Variants in AASDHPPT observed in about 807,000 individuals in gnomAD.
AASDHPPT encodes aminoadipate-semialdehyde dehydrogenase-phosphopantetheinyl transferase, also known as L-aminoadipate-semialdehyde dehydrogenase-phosphopantetheinyl transferase.
Under a neutral mutation model 36.4 loss-of-function variants are expected in AASDHPPT, and 23 were observed. The ratio of observed to expected loss-of-function variants is 0.63; its 90% CI spans 0.45 to 0.89. The LOEUF (loss-of-function observed/expected upper bound fraction) is 0.89. Among genes scored for constraint, AASDHPPT ranks in the 40% least tolerant of loss-of-function variants. The pLI, the probability that AASDHPPT is intolerant of heterozygous loss-of-function variation, is 0.00. For synonymous variants in AASDHPPT, 115 were observed against 128.0 expected (o/e 0.90, Z 0.68); for missense variants, 377 against 378.2 (o/e 1.00, Z 0.03).
At chr11:106,084,910 T>C (rs1354357416) in intron 2 of AASDHPPT, among the ~76,000 whole-genome samples, 3 of 152,094 alleles carry the variant, frequency 2.0e-5, no homozygotes, top group Non-Finnish European at 2.9e-5. Context: ...CCATCACACC[T>C]GGCCGGGTTT....
intron 2 of AASDHPPT, among the ~76,000 whole-genome samples, chr11:106,080,574 T>G (rs1861128785): frequency 6.6e-6 from 1 of 152,208 alleles, no homozygotes; most frequent in Non-Finnish European, 1.5e-5. Flanking sequence ...TAACATTTAA[T>G]GAACACTTAA....
At chr11:106,089,396 C>T (rs1040407034) in intron 2 of AASDHPPT, 1 of 151,898 alleles carries the variant, frequency 6.6e-6, no homozygotes, top group African/African-American at 2.4e-5. Context: ...GGATTACCTT[C>T]AAAAGGTTTT....
intron 2 of AASDHPPT, among the ~76,000 whole-genome samples, chr11:106,080,888 C>T (rs1403096036): frequency 6.6e-6 from 1 of 152,194 alleles, no homozygotes; most frequent in Non-Finnish European, 1.5e-5. Context: ...TTCACCTTAA[C>T]CTTACTTTAG....
intron 2 of AASDHPPT, 57 bp downstream of exon 2, chr11:106,079,749 G>A: frequency 7.0e-7 from 1 of 1,430,116 alleles, no homozygotes; most frequent in Non-Finnish European, 9.8e-7. Context: ...CAGTTCTATT[G>A]CTATTGAGTA....
intron 2 of AASDHPPT, among the ~76,000 whole-genome samples, chr11:106,084,811 C>T (rs1861180898): frequency 6.6e-6 from 1 of 151,816 alleles, no homozygotes; most frequent in Non-Finnish European, 1.5e-5. Flanking sequence ...GACGGAGTTT[C>T]ACCACGTTGG....
At chr11:106,085,339 G>A (rs1861187514) in intron 2 of AASDHPPT, among the ~76,000 whole-genome samples, 1 of 152,042 alleles carries the variant, frequency 6.6e-6, no homozygotes, top group Admixed American at 6.6e-5. Flanking sequence ...CTGACCTCGT[G>A]ATCTACCCGC....
At chr11:106,078,006 G>T in intron 1 of AASDHPPT, 113 bp downstream of exon 1, 2 of 1,330,530 alleles carry the variant, frequency 1.5e-6, no homozygotes, top group Non-Finnish European at 2.0e-6. Flanking sequence ...TCGCTGTGGA[G>T]CCTGTGGCCG....
At chr11:106,096,346 C>T (rs917810477) in intron 5 of AASDHPPT, among the ~76,000 whole-genome samples, 1 of 152,134 alleles carries the variant, frequency 6.6e-6, no homozygotes, top group Non-Finnish European at 1.5e-5. Context: ...TTATCAGACC[C>T]ACCTTTTAGA....
chr11:106,085,153 G>A (rs1259892692), intron 2 of AASDHPPT, among the ~76,000 whole-genome samples: 1 of 151,834 alleles, frequency 6.6e-6, no homozygotes, highest in Non-Finnish European at 1.5e-5. Flanking sequence ...CCAGGCTGGA[G>A]TGCAGTGGCG....
intron 2 of AASDHPPT, among the ~76,000 whole-genome samples, chr11:106,084,525 T>C (rs1476314859): frequency 6.6e-6 from 1 of 152,162 alleles, no homozygotes. Flanking sequence ...ATTGAACTCC[T>C]GGGCTCAAGT....
intron 2 of AASDHPPT, 78 bp from the exon 3 acceptor site, chr11:106,090,479 T>C: frequency 8.3e-7 from 1 of 1,208,954 alleles, no homozygotes. Context: ...GGGTGCTGTC[T>C]TGAACAGTTT....
chr11:106,084,270 C>A (rs1861174211), intron 2 of AASDHPPT, among the ~76,000 whole-genome samples: 2 of 152,112 alleles, frequency 1.3e-5, no homozygotes, highest in Admixed American at 1.3e-4. Flanking sequence ...ATTGAAAATA[C>A]ACATAGTCTT....
chr11:106,091,711 C>G, intron 4 of AASDHPPT: 1 of 362,994 alleles, frequency 2.8e-6, no homozygotes, highest in Non-Finnish European at 4.8e-6. Context: ...GAGGCTCTGA[C>G]AAGGAGCTTT....
At chr11:106,084,993 A>G (rs1361406211) in intron 2 of AASDHPPT, among the ~76,000 whole-genome samples, 1 of 152,260 alleles carries the variant, frequency 6.6e-6, no homozygotes, top group Non-Finnish European at 1.5e-5. Flanking sequence ...TGTAATTTAC[A>G]GAACTAACAA....
intron 3 of AASDHPPT, 40 bp downstream of exon 3, chr11:106,090,718 G>T: frequency 1.3e-6 from 2 of 1,559,784 alleles, no homozygotes; most frequent in South Asian, 1.2e-5. Flanking sequence ...AGTCTATAAT[G>T]ATTCCATTAT....
chr11:106,085,348 G>T (rs955541094), intron 2 of AASDHPPT, among the ~76,000 whole-genome samples: 1 of 152,034 alleles, frequency 6.6e-6, no homozygotes, highest in Non-Finnish European at 1.5e-5. Context: ...TGATCTACCC[G>T]CCTCGGCCTC....
intron 5 of AASDHPPT, among the ~76,000 whole-genome samples, chr11:106,096,081 C>T (rs1010198045): frequency 6.6e-6 from 1 of 152,072 alleles, no homozygotes; most frequent in Non-Finnish European, 1.5e-5. Context: ...TCAGATTCCC[C>T]ATCCATAAAA....
At chr11:106,080,494 A>G (rs1243510377) in intron 2 of AASDHPPT, among the ~76,000 whole-genome samples, 1 of 152,204 alleles carries the variant, frequency 6.6e-6, no homozygotes, top group Non-Finnish European at 1.5e-5. Context: ...GGTGAAGTTG[A>G]ATGTACCCAG....
At chr11:106,077,998 G>A in intron 1 of AASDHPPT, 105 bp downstream of exon 1, 1 of 1,388,682 alleles carries the variant, frequency 7.2e-7, no homozygotes, top group Non-Finnish European at 9.7e-7. Flanking sequence ...CGACCCTCTC[G>A]CTGTGGAGCC....
Sources: gnomAD v4.1 joint callset for allele counts (sites outside exome capture counted in the v4.1 genomes callset) on GRCh38, gnomAD v4.1.1 for gene constraint, MANE v1.5 for transcripts, NCBI Gene and HGNC (gene_info 2026-07-23, HGNC 2026-07-21) for gene names.